The following HPSE variants were observed in gnomAD, a reference collection of about 807,000 sequenced individuals.
HPSE encodes endo-glucoronidase.
A neutral mutation model predicts 65.1 loss-of-function variants in HPSE; 48 were observed. The ratio of observed to expected loss-of-function variants is 0.74; its 90% confidence interval spans 0.58 to 0.94. HPSE has a LOEUF of 0.94. Ranked by LOEUF, HPSE falls within the 40% of genes least tolerant of loss-of-function variation. HPSE has a pLI of 0.00. For synonymous variants in HPSE, 243 were observed against 260.0 expected (o/e 0.93, Z 0.63); for missense variants, 644 against 637.5 (o/e 1.01, Z -0.11).
chr4:83,329,165 GTGTGGCTGGGAGAC>G (rs1737266132), intron 1 of HPSE, among the ~76,000 whole-genome samples: 1 of 152,182 alleles, frequency 6.6e-6, no homozygotes, highest in Non-Finnish European at 1.5e-5. Flanking sequence ...ACATCAGTCT[GTGTGGCTGGGAGAC>G]TGTCCACTCC....
intron 1 of HPSE, 70 bp from the exon 2 acceptor site, chr4:83,322,434 C>T (rs1736946709): frequency 1.5e-6 from 2 of 1,297,828 alleles, no homozygotes; most frequent in East Asian, 4.9e-5. Context: ...TTCTTACTTC[C>T]TTCTTTCCTG....
intron 11 of HPSE, among the ~76,000 whole-genome samples, chr4:83,296,637 T>C (rs1735732781): frequency 1.4e-5 from 2 of 146,870 alleles, no homozygotes; most frequent in African/African-American, 5.1e-5. Context: ...ATTGCACCAC[T>C]GCACTCCAGC....
At chr4:83,310,268 G>A (rs1272108039) in intron 5 of HPSE, among the ~76,000 whole-genome samples, 190 bp from the exon 6 acceptor site, 3 of 152,010 alleles carry the variant, frequency 2.0e-5, no homozygotes, top group African/African-American at 4.8e-5. Context: ...TTCTGAACCC[G>A]TCAAAATTTC....
chr4:83,319,586 A>T lies in HPSE; in HGVS notation c.374-117T>A, dbSNP rs142112599. The T allele has an allele frequency of 1.1e-5, 11 of 1,044,982 alleles. No individual in the cohort carries two copies. The East Asian group carries it at 2.8e-4, about 26-fold the overall frequency. 64.7% of individuals were successfully genotyped at this position (1,044,982 alleles called of 1,614,324 possible). Reference sequence around the variant, plus strand: ...AAAGCAGGATAATTAAGTTCTGGTTATGAGGTAGGAGAGCAGAGAAAAGGT... The same window carrying T: ...AAAGCAGGATAATTAAGTTCTGGTTTTGAGGTAGGAGAGCAGAGAAAAGGT... On this transcript the variant is annotated intron_variant, in intron 2 of 11. Transcript: ENST00000311412.
At chr4:83,299,207 T>C (rs968547335) in intron 11 of HPSE, among the ~76,000 whole-genome samples, 3 of 151,130 alleles carry the variant, frequency 2.0e-5, no homozygotes, top group Admixed American at 2.0e-4. Flanking sequence ...CTACTAAAAA[T>C]ACAAAAATTA....
At chr4:83,320,454 T>C (rs527845004) in intron 2 of HPSE, among the ~76,000 whole-genome samples, 16 of 152,078 alleles carry the variant, frequency 1.1e-4, no homozygotes, top group Admixed American at 4.6e-4. Context: ...TGGTCCCAGC[T>C]ACTCGGGAGA....
intron 11 of HPSE, among the ~76,000 whole-genome samples, chr4:83,297,709 G>A (rs751717618): frequency 2.6e-4 from 39 of 152,302 alleles, no homozygotes; most frequent in Non-Finnish European, 2.9e-4. Context: ...GCAGAGGTTA[G>A]CATGCCTGCA....
chr4:83,314,261 A>AAAAAAAC lies in HPSE; in HGVS notation c.500-975_500-974insGTTTTTT, dbSNP rs1306857858. On this transcript the variant is annotated intron_variant, in intron 3 of 11. Transcript: ENST00000311412. Reference sequence around the variant, plus strand: ...CAACAGAATGAGATCCTGTCTCAAAAAAAAAAACAAAAAAACAAACAAAAA... The same window carrying AAAAAAAC: ...CAACAGAATGAGATCCTGTCTCAAAAAAAAAACAAAAAAACAAAAAAACAAACAAAAA... Among the ~76,000 whole-genome samples, 36 of 53,264 alleles carry AAAAAAAC rather than the reference A, an allele frequency of 6.8e-4. 1 individual carries two copies. Among genetic ancestry groups the AAAAAAAC allele is most frequent in the Non-Finnish European group, 7.5e-5 (2 of 26,692 alleles). The allele number at this position is 53,264 out of a possible 152,430, so 34.9% of individuals were successfully genotyped here. A position where few individuals can be genotyped will look rare whatever the true frequency, so the allele number is the denominator to read the frequency against.
chr4:83,306,430 T>C, intron 8 of HPSE, 113 bp from the exon 9 acceptor site: 1 of 578,358 alleles, frequency 1.7e-6, no homozygotes, highest in South Asian at 2.3e-5. Context: ...TATTTATTTA[T>C]TTAGAGACAG....
At chr4:83,320,427 G>A (rs767306157) in intron 2 of HPSE, among the ~76,000 whole-genome samples, 4 of 152,122 alleles carry the variant, frequency 2.6e-5, no homozygotes, top group African/African-American at 7.2e-5. Flanking sequence ...TTAGCTGGGC[G>A]TGGTGGTGTG....
chr4:83,333,177 T>C (rs528302839), intron 1 of HPSE, among the ~76,000 whole-genome samples: 48 of 152,354 alleles, frequency 3.2e-4, no homozygotes, highest in Middle Eastern at 3.4e-3. Context: ...ATGCTCACCA[T>C]GTCCTAGAAA....
chr4:83,313,037 A>AT, intron 4 of HPSE, 77 bp downstream of exon 4: 8 of 821,974 alleles, frequency 9.7e-6, no homozygotes, highest in Non-Finnish European at 1.4e-5. Context: ...AAAAAAAAAA[A>AT]AAAAGAAAAA....
At chr4:83,308,571 T>C (rs972778839) in intron 8 of HPSE, among the ~76,000 whole-genome samples, 3 of 152,174 alleles carry the variant, frequency 2.0e-5, no homozygotes, top group Non-Finnish European at 4.4e-5. Flanking sequence ...GTGTACTTCT[T>C]TAGAGTAAGG....
At position 83,306,093 on chromosome 4, in the gene HPSE, T is replaced by C. The variant is rs774016504; in HGVS notation, c.1206+110A>G. ...AGGCTCCTTCTAATTCATCATCTCA[T>C]GATTTGGCTAGTTACTGAGAGGACT... On this transcript the variant is annotated intron_variant, in intron 9 of 11. Coordinates refer to ENST00000311412, the MANE Select transcript of HPSE (RefSeq NM_001098540.3). 218 of 623,200 alleles carry C rather than the reference T, an allele frequency of 3.5e-4. 2 individuals carry two copies. Among genetic ancestry groups the C allele is most frequent in the Non-Finnish European group, 5.7e-4 (195 of 343,588 alleles). The allele number at this position is 623,200 out of a possible 1,614,324, so 38.6% of individuals were successfully genotyped here. A position where few individuals can be genotyped will look rare whatever the true frequency, so the allele number is the denominator to read the frequency against.
At chr4:83,317,063 T>C (rs1216022180) in intron 3 of HPSE, among the ~76,000 whole-genome samples, 1 of 152,146 alleles carries the variant, frequency 6.6e-6, no homozygotes, top group East Asian at 1.9e-4. Context: ...CATGCCTGGC[T>C]AATTTTTGTA....
upstream of HPSE, chr4:83,335,124 C>G (rs1235453932): frequency 1.2e-5 from 3 of 240,776 alleles, no homozygotes; most frequent in Non-Finnish European, 2.4e-5. Context: ...GAGGAGCGCC[C>G]GGGGAGGAGC....
chr4:83,331,979 G>A lies in HPSE; in HGVS notation c.227+2577C>T, dbSNP rs529708216. On this transcript the variant is annotated intron_variant, in intron 1 of 11. Coordinates refer to ENST00000311412, the MANE Select transcript of HPSE (RefSeq NM_001098540.3). ...GCCTCACTTTCTTCATTTTTAAAAT[G>A]GGGGTGACAAAACTAGTCACTCACA... Among the ~76,000 whole-genome samples the A allele has an allele frequency of 3.3e-5, 5 of 152,252 alleles. No individual in the cohort carries two copies. The East Asian group carries it at 9.7e-4, about 29-fold the overall frequency.
intron 3 of HPSE, among the ~76,000 whole-genome samples, chr4:83,317,310 A>G (rs1309125649): frequency 6.6e-6 from 1 of 152,164 alleles, no homozygotes; most frequent in Non-Finnish European, 1.5e-5. Flanking sequence ...TCACTCAGCC[A>G]TTACCAGTCT....
chr4:83,332,543 T>C (rs1737419357), intron 1 of HPSE, among the ~76,000 whole-genome samples: 1 of 152,262 alleles, frequency 6.6e-6, no homozygotes. Flanking sequence ...TCACATGTTA[T>C]GCTCTCTTGG....
Sources: allele counts gnomAD v4.1 joint callset (sites outside exome capture counted in the v4.1 genomes callset), GRCh38; gene constraint gnomAD v4.1.1; transcripts MANE v1.5; gene names NCBI Gene and HGNC (gene_info 2026-07-23, HGNC 2026-07-21).